The following INCA1 variants were observed in gnomAD, a reference collection of about 807,000 sequenced individuals.
INCA1 encodes inhibitor of CDK, cyclin A1 interacting protein 1.
Under a neutral mutation model 25.7 loss-of-function variants are expected in INCA1, and 28 were observed. The ratio of observed to expected loss-of-function variants is 1.09; its 90% CI spans 0.81 to 1.49. INCA1 has a LOEUF of 1.49. Among genes scored for constraint, INCA1 ranks in the 40% most tolerant of loss-of-function variants. The probability of loss-of-function intolerance (pLI) is 0.00; values close to 1 mark genes in which losing one functional copy is unlikely to be tolerated. For synonymous variants in INCA1, 111 were observed against 103.6 expected (o/e 1.07, Z -0.43); for missense variants, 309 against 290.9 (o/e 1.06, Z -0.45).
intron 5 of INCA1, 68 bp downstream of exon 5, chr17:4,989,360 C>T: frequency 6.8e-7 from 1 of 1,468,958 alleles, no homozygotes; most frequent in East Asian, 2.3e-5. Flanking sequence ...CAACCCCTTC[C>T]TTAGCTCAAA....
Position 4,988,560 on chromosome 17 carries a change from A to C in INCA1, c.562-6T>G. On this transcript the variant is annotated splice_polypyrimidine_tract_variant and splice_region_variant and intron_variant, in intron 6 of 6. Coordinates refer to ENST00000576820, the Ensembl canonical transcript of INCA1. The stretch of plus-strand genomic sequence containing the variant: ...CTCCAGGGAGACCAAAGCAGCTGTC[A>C]AGATGAGAGAAATTGAAAAAGAAAA... 1 of 1,607,560 alleles carries C rather than the reference A, an allele frequency of 6.2e-7. No homozygotes were observed. Among genetic ancestry groups the C allele is most frequent in the South Asian group, 1.1e-5 (1 of 89,672 alleles).
rs768688465 is a variant in INCA1, at chr17:4,995,263, TAGTG to T, written c.-38-792_-38-789del. ...GTTAATTGAACATTTAGGTTGAAGA[TAGTG>T]AGCACAGGAAAAGTGGATGTGGTAA... On this transcript the variant is annotated intron_variant, in intron 1 of 6. Coordinates refer to ENST00000576820, the Ensembl canonical transcript of INCA1. Among the ~76,000 whole-genome samples the T allele has an allele frequency of 5.3e-5, 8 of 151,618 alleles. No individual in the cohort carries two copies. In the East Asian group the frequency reaches 5.8e-4, roughly 11 times the overall value.
intron 2 of INCA1, 46 bp from the exon 3 acceptor site, chr17:4,990,311 G>T: frequency 6.4e-7 from 1 of 1,573,088 alleles, no homozygotes; most frequent in African/African-American, 1.4e-5. Context: ...TTCCCTTACA[G>T]CAGTCTACTC....
intron 2 of INCA1, among the ~76,000 whole-genome samples, chr17:4,990,706 A>AC (rs1973813592): frequency 6.6e-6 from 1 of 151,000 alleles, no homozygotes; most frequent in Admixed American, 6.6e-5. Flanking sequence ...ACATGTTGAA[A>AC]CCCCGTCTCT....
At chr17:4,989,428 T>C in exon 5 of INCA1, 2 of 1,611,192 alleles carry the variant, frequency 1.2e-6, no homozygotes, top group Non-Finnish European at 1.7e-6. Flanking sequence ...CCTTCCTTAC[T>C]CGTTGATGAT....
At chr17:4,988,626 G>A in intron 6 of INCA1, 72 bp from the exon 7 acceptor site, 1 of 1,583,972 alleles carries the variant, frequency 6.3e-7, no homozygotes, top group Non-Finnish European at 8.6e-7. Flanking sequence ...TAGTACCCAA[G>A]CTTAGGTACC....
chr17:4,997,206 G>A (rs889486007), upstream of INCA1: 3 of 152,348 alleles, frequency 2.0e-5, no homozygotes, highest in African/African-American at 7.2e-5. Context: ...GGGGACCCTC[G>A]ACAGGTGGAC....
intron 5 of INCA1, 58 bp from the exon 6 acceptor site, chr17:4,989,002 C>T (rs2143154825): frequency 6.6e-7 from 1 of 1,524,574 alleles, no homozygotes; most frequent in Non-Finnish European, 8.9e-7. Flanking sequence ...CCTGTCTCTC[C>T]ATTCTTCACC....
At chr17:4,988,826 T>C (rs1973573444) in exon 6 of INCA1, 1 of 1,614,192 alleles carries the variant, frequency 6.2e-7, no homozygotes. Flanking sequence ...TGTGGATAGG[T>C]TGCTCTCTCC....
At position 4,994,417 on chromosome 17, in the gene INCA1, TC is replaced by T. The variant is rs755143131; in HGVS notation, c.20del (p.Gly7GlufsTer60). On this transcript the variant is annotated frameshift_variant, in exon 2 of 7. Coordinates refer to ENST00000576820, the Ensembl canonical transcript of INCA1. LOFTEE classifies it high-confidence loss of function. ...ACTTGGCAAAGGGGATGAGGTTGAC[TC>T]CATCATCCTGCACCTGCATGACTGG... The T allele has an allele frequency of 4.3e-6, 7 of 1,613,760 alleles. No individual in the cohort carries two copies. In the East Asian group the frequency reaches 1.1e-4, roughly 26 times the overall value.
intron 1 of INCA1, among the ~76,000 whole-genome samples, chr17:4,995,259 A>G (rs1974156726): frequency 6.6e-6 from 1 of 152,166 alleles, no homozygotes; most frequent in Admixed American, 6.5e-5. Context: ...ATTTAGGTTG[A>G]AGATAGTGAG....
intron 1 of INCA1, among the ~76,000 whole-genome samples, chr17:4,996,280 G>A (rs1974254450): frequency 6.6e-6 from 1 of 151,926 alleles, no homozygotes; most frequent in Admixed American, 6.6e-5. Context: ...GGAAGGCTGA[G>A]GTGGGAGTGT....
At chr17:4,994,262 G>T in intron 2 of INCA1, 132 bp downstream of exon 2, 1 of 822,280 alleles carries the variant, frequency 1.2e-6, no homozygotes, top group Non-Finnish European at 2.0e-6. Flanking sequence ...ATAAATTAAT[G>T]AATCATCAAT....
exon 5 of INCA1, chr17:4,989,442 C>G (rs780617090): frequency 3.7e-5 from 59 of 1,613,512 alleles, no homozygotes; most frequent in Non-Finnish European, 1.6e-5. Flanking sequence ...TGATGATGCT[C>G]TGACGCCTTC....
intron 1 of INCA1, chr17:4,995,724 G>T (rs1348266558): frequency 1.3e-5 from 2 of 152,112 alleles, no homozygotes; most frequent in East Asian, 1.9e-4. Flanking sequence ...GAGGTCGGGA[G>T]TTCGAGACCA....
intron 5 of INCA1, among the ~76,000 whole-genome samples, chr17:4,989,147 A>G (rs1443634382): frequency 6.6e-6 from 1 of 151,882 alleles, no homozygotes; most frequent in Non-Finnish European, 1.5e-5. Flanking sequence ...CAACCTCCCC[A>G]CTGTCCTCCA....
At chr17:4,990,975 A>G (rs1162267788) in intron 2 of INCA1, among the ~76,000 whole-genome samples, 1 of 150,182 alleles carries the variant, frequency 6.7e-6, no homozygotes, top group African/African-American at 2.4e-5. Flanking sequence ...CTGGAGTGCA[A>G]TGGCACGATC....
At chr17:4,996,492 G>A (rs1353636847) in intron 1 of INCA1, among the ~76,000 whole-genome samples, 1 of 151,508 alleles carries the variant, frequency 6.6e-6, no homozygotes, top group Non-Finnish European at 1.5e-5. Context: ...GACCAGCCTG[G>A]CCAACACAGC....
At chr17:4,994,397 G>A (rs1164507725) in exon 2 of INCA1, 1 of 1,613,790 alleles carries the variant, frequency 6.2e-7, no homozygotes, top group South Asian at 1.1e-5. Flanking sequence ...GACTCACTTG[G>A]CAAAGGGGAT....
Sources: allele counts gnomAD v4.1 joint callset (sites outside exome capture counted in the v4.1 genomes callset), GRCh38; gene constraint gnomAD v4.1.1; transcripts MANE v1.5; gene names NCBI Gene and HGNC (gene_info 2026-07-23, HGNC 2026-07-21).